PDZRN4: variants seen among roughly 807,000 people sequenced by gnomAD.
The protein encoded by PDZRN4 is PDZ domain containing ring finger 4.
PDZRN4 carries 70 observed loss-of-function variants against 99.0 expected under a neutral mutation model. The ratio of observed to expected loss-of-function variants is 0.71; its 90% CI spans 0.58 to 0.86. The LOEUF is 0.86. PDZRN4 is among the 40% of genes least tolerant of loss of function. PDZRN4 has a pLI of 0.00. For synonymous variants in PDZRN4, 551 were observed against 501.6 expected (o/e 1.10, Z -1.32); for missense variants, 1,474 against 1,331.2 (o/e 1.11, Z -1.67).
chr12:41,493,323 A>T (rs932510510), intron 3 of PDZRN4, among the ~76,000 whole-genome samples: 3 of 152,176 alleles, frequency 2.0e-5, no homozygotes, highest in African/African-American at 7.2e-5. Flanking sequence ...GCTGAAAATT[A>T]TTTCAAAAGC....
chr12:41,314,792 T>TA (rs1254135952), intron 3 of PDZRN4, among the ~76,000 whole-genome samples: 14 of 152,132 alleles, frequency 9.2e-5, no homozygotes, highest in Admixed American at 9.2e-4. Flanking sequence ...AATATGGAGA[T>TA]ATCTAGACTG....
intron 5 of PDZRN4, among the ~76,000 whole-genome samples, chr12:41,541,837 C>G (rs939557362): frequency 2.6e-5 from 4 of 152,200 alleles, no homozygotes; most frequent in Non-Finnish European, 5.9e-5. Flanking sequence ...TTATCCCTGA[C>G]AATCCTCTTT....
At chr12:41,526,622 C>T (rs968221141) in intron 5 of PDZRN4, among the ~76,000 whole-genome samples, 1 of 152,062 alleles carries the variant, frequency 6.6e-6, no homozygotes, top group African/African-American at 2.4e-5. Flanking sequence ...TTATAAAATA[C>T]TTGTTTTTCA....
Position 41,573,068 on chromosome 12 carries a change from G to T in PDZRN4, c.2289G>T (p.Val763=), listed in dbSNP as rs1485959130. ...CCCCTGACAGTTCCCTTCCAAGGGT[G>T]ATCAACCTCACCAATAAGAAAAACC... The part of the protein sequence containing the change: ...DRSPDSSLPR[V]INLTNKKNLR... The change falls in exon 10 of 10, where the codon GTG becomes GTT. Residue 763 remains valine, a synonymous_variant. Transcript: ENST00000402685. 1 of 1,614,122 alleles carries T rather than the reference G, an allele frequency of 6.2e-7. No individual in the cohort carries two copies. Among genetic ancestry groups the T allele is most frequent in the East Asian group, 2.2e-5 (1 of 44,872 alleles).
chr12:41,494,479 C>A (rs1937953868), intron 3 of PDZRN4, among the ~76,000 whole-genome samples: 2 of 152,054 alleles, frequency 1.3e-5, no homozygotes, highest in South Asian at 4.1e-4. Flanking sequence ...TTATTATAGT[C>A]TATTTCAAGG....
At chr12:41,359,269 T>C (rs1951949235) in intron 3 of PDZRN4, among the ~76,000 whole-genome samples, 1 of 152,040 alleles carries the variant, frequency 6.6e-6, no homozygotes, top group African/African-American at 2.4e-5. Context: ...ACTAGAAATC[T>C]CTTCAATAGC....
intron 7 of PDZRN4, among the ~76,000 whole-genome samples, chr12:41,560,180 A>T (rs1350196169): frequency 6.6e-6 from 1 of 152,180 alleles, no homozygotes; most frequent in Non-Finnish European, 1.5e-5. Context: ...TCCATACTAA[A>T]ATATAAACAC....
At position 41,574,018 on chromosome 12, in the gene PDZRN4, A is replaced by C; in HGVS notation, c.*128A>C. 1.8e-6 allele frequency: 1 copy of C among 551,970 alleles called. No individual in the cohort carries two copies. The highest frequency in any genetic ancestry group is 2.9e-6 in the Non-Finnish European group (1 of 340,232). 34.2% of individuals were successfully genotyped at this position (551,970 alleles called of 1,614,324 possible). A position where few individuals can be genotyped will look rare whatever the true frequency, so the allele number is the denominator to read the frequency against. ...ACTCTTTATAGTTTAAATTTTTTGT[A>C]AGCAAAAAATACCTGGTAATTTTTC... On this transcript the variant is annotated 3_prime_UTR_variant, in exon 10 of 10. Coordinates refer to ENST00000402685, the MANE Select transcript of PDZRN4 (RefSeq NM_001164595.2).
At chr12:41,477,029 A>T (rs1436052224) in intron 3 of PDZRN4, among the ~76,000 whole-genome samples, 1 of 152,214 alleles carries the variant, frequency 6.6e-6, no homozygotes, top group Non-Finnish European at 1.5e-5. Context: ...AGCAACTTTC[A>T]GCTCCATAAA....
intron 3 of PDZRN4, among the ~76,000 whole-genome samples, chr12:41,340,456 A>G (rs1435521958): frequency 6.6e-6 from 1 of 151,848 alleles, no homozygotes; most frequent in African/African-American, 2.4e-5. Context: ...GGGGGTGAGG[A>G]AGTAGGGATG....
chr12:41,188,993 G>A lies in PDZRN4; in HGVS notation c.538G>A (p.Ala180Thr), dbSNP rs1306696568. ...REKALLAQLW[A>T]LQGEVQLTAR... ...GAAGGCGCTGCTGGCGCAGCTCTGG[G>A]CGCTGCAGGGCGAGGTGCAGCTCAC... is the stretch of plus-strand genomic sequence containing the variant. Residue 180 changes from alanine (A) to threonine (T), a missense_variant, in exon 1 of 10, where the codon GCG (alanine) becomes ACG (threonine). By Grantham distance (58) the Ala-to-Thr change is moderately conservative. Coordinates refer to ENST00000402685, the MANE Select transcript of PDZRN4 (RefSeq NM_001164595.2). 2 of 1,536,450 alleles carry A rather than the reference G, an allele frequency of 1.3e-6. No individual in the cohort carries two copies. Among genetic ancestry groups the A allele is most frequent in the East Asian group, 2.5e-5 (1 of 40,120 alleles).
intron 3 of PDZRN4, among the ~76,000 whole-genome samples, chr12:41,470,577 TG>T (rs1675718496): frequency 6.6e-6 from 1 of 152,180 alleles, no homozygotes; most frequent in Admixed American, 6.5e-5. Flanking sequence ...TGTATACATG[TG>T]CCATGTTGGT....
chr12:41,351,020 GA>G (rs1470273711), intron 3 of PDZRN4, among the ~76,000 whole-genome samples: 3 of 152,116 alleles, frequency 2.0e-5, no homozygotes, highest in Non-Finnish European at 4.4e-5. Context: ...TAATTAAAAG[GA>G]AGTGGAATAC....
At chr12:41,288,896 G>A (rs185861824) in intron 3 of PDZRN4, among the ~76,000 whole-genome samples, 93 of 151,996 alleles carry the variant, frequency 6.1e-4, no homozygotes, top group African/African-American at 1.8e-3. Flanking sequence ...AGGCATAATG[G>A]TTTATACATA....
chr12:41,470,984 G>T (rs1463528757), intron 3 of PDZRN4, among the ~76,000 whole-genome samples: 1 of 152,140 alleles, frequency 6.6e-6, no homozygotes, highest in African/African-American at 2.4e-5. Context: ...ATACAAATAT[G>T]TAATAACACA....
chr12:41,487,080 G>A (rs1020556409), intron 3 of PDZRN4, among the ~76,000 whole-genome samples: 1 of 151,906 alleles, frequency 6.6e-6, no homozygotes, highest in African/African-American at 2.4e-5. Context: ...TTTCATAGCA[G>A]TTGACACATA....
intron 5 of PDZRN4, among the ~76,000 whole-genome samples, chr12:41,539,344 T>A (rs1938807221): frequency 6.6e-6 from 1 of 152,062 alleles, no homozygotes; most frequent in South Asian, 2.1e-4. Context: ...TTTTGTTATA[T>A]TTTTTAGTAA....
At chr12:41,215,714 A>C (rs1950916116) in intron 3 of PDZRN4, among the ~76,000 whole-genome samples, 1 of 151,936 alleles carries the variant, frequency 6.6e-6, no homozygotes, top group East Asian at 1.9e-4. Context: ...CCTTAGGCAA[A>C]GACTATCTGG....
chr12:41,328,880 T>C (rs539516880), intron 3 of PDZRN4, among the ~76,000 whole-genome samples: 1 of 152,262 alleles, frequency 6.6e-6, no homozygotes, highest in South Asian at 2.1e-4. Flanking sequence ...TTACTTTGTT[T>C]ATTGGCCAGG....
Sources: gnomAD v4.1 joint callset for allele counts (sites outside exome capture counted in the v4.1 genomes callset) on GRCh38, gnomAD v4.1.1 for gene constraint, MANE v1.5 for transcripts, NCBI Gene and HGNC (gene_info 2026-07-23, HGNC 2026-07-21) for gene names.